Variants in CNTNAP2 observed in about 807,000 individuals in gnomAD.
CNTNAP2 encodes the protein contactin associated protein 2.
In CNTNAP2, 98 loss-of-function variants were observed where a neutral mutation model predicts 155.2. The observed-to-expected ratio is 0.63, with a 90% CI of 0.54 to 0.75. The LOEUF is 0.75. Ranked by LOEUF, CNTNAP2 falls within the 30% of genes least tolerant of loss-of-function variation. The pLI is 0.00. For missense variants in CNTNAP2, 1,727 were observed against 1,688.1 expected (o/e 1.02, Z -0.40); for synonymous variants, 651 against 631.2 (o/e 1.03, Z -0.47).
intron 1 of CNTNAP2, among the ~76,000 whole-genome samples, chr7:146,620,958 T>C (rs748257576): frequency 1.2e-4 from 18 of 152,194 alleles, no homozygotes; most frequent in Non-Finnish European, 2.2e-4. Context: ...AAATTTGTAA[T>C]ATTTATCTTC....
chr7:146,789,130 G>C (rs912605431), intron 2 of CNTNAP2, among the ~76,000 whole-genome samples: 1 of 152,190 alleles, frequency 6.6e-6, no homozygotes, highest in African/African-American at 2.4e-5. Flanking sequence ...AGAAAACTGA[G>C]ATTCACCAAG....
chr7:146,932,597 C>A (rs1457996014), intron 3 of CNTNAP2, among the ~76,000 whole-genome samples: 8 of 152,148 alleles, frequency 5.3e-5, no homozygotes, highest in African/African-American at 1.9e-4. Context: ...GGCAATTAGG[C>A]AGGAGAAGGA....
chr7:147,802,267 G>A (rs1266045537), intron 13 of CNTNAP2, among the ~76,000 whole-genome samples: 3 of 150,494 alleles, frequency 2.0e-5, no homozygotes, highest in South Asian at 2.1e-4. Flanking sequence ...TGGCGGCCGG[G>A]CAGAGACGCT....
chr7:147,966,957 C>T (rs1187661008), intron 14 of CNTNAP2, among the ~76,000 whole-genome samples: 1 of 152,032 alleles, frequency 6.6e-6, no homozygotes, highest in Non-Finnish European at 1.5e-5. Context: ...GCTTCAGAAA[C>T]ACCGAGAAGT....
At chr7:146,523,082 G>A (rs1039167506) in intron 1 of CNTNAP2, among the ~76,000 whole-genome samples, 8 of 151,720 alleles carry the variant, frequency 5.3e-5, no homozygotes. Context: ...TGGGATCCTG[G>A]CGCACCCATC....
chr7:147,504,049 G>A (rs957858066), intron 11 of CNTNAP2, among the ~76,000 whole-genome samples: 10 of 152,142 alleles, frequency 6.6e-5, no homozygotes, highest in African/African-American at 2.4e-4. Flanking sequence ...ACCATTTCCT[G>A]TTGATTTTGT....
intron 1 of CNTNAP2, among the ~76,000 whole-genome samples, chr7:146,162,575 C>A (rs1798241136): frequency 6.6e-6 from 1 of 152,184 alleles, no homozygotes; most frequent in Non-Finnish European, 1.5e-5. Flanking sequence ...TAAACTAGTT[C>A]AACCATTGTG....
intron 11 of CNTNAP2, among the ~76,000 whole-genome samples, chr7:147,551,075 T>C (rs1164361756): frequency 6.6e-6 from 1 of 152,228 alleles, no homozygotes; most frequent in East Asian, 1.9e-4. Flanking sequence ...ATGGTTCTTA[T>C]GTGCATTAAG....
intron 8 of CNTNAP2, among the ~76,000 whole-genome samples, chr7:147,149,904 T>C (rs903839783): frequency 3.3e-5 from 5 of 152,172 alleles, no homozygotes; most frequent in African/African-American, 1.2e-4. Flanking sequence ...TTAAAAGATA[T>C]AACTATCACA....
chr7:147,575,371 G>GGTATGTGTGTGTGT (rs1554406980), intron 12 of CNTNAP2, among the ~76,000 whole-genome samples: 1 of 95,882 alleles, frequency 1.0e-5, no homozygotes, highest in African/African-American at 3.6e-5. Flanking sequence ...TAGCTTTAGG[G>GGTATGTGTGTGTGT]GTGTGTGTGT....
chr7:148,381,531 C>T (rs533660216), intron 21 of CNTNAP2: 15 of 152,338 alleles, frequency 9.8e-5, no homozygotes, highest in African/African-American at 3.6e-4. Flanking sequence ...TGAAGTGAAG[C>T]TGCTTCTCTC....
intron 12 of CNTNAP2, among the ~76,000 whole-genome samples, chr7:147,567,631 T>C (rs760436691): frequency 2.0e-5 from 3 of 151,874 alleles, no homozygotes; most frequent in Non-Finnish European, 4.4e-5. Flanking sequence ...ACAGAGAAAG[T>C]TGAAAATGGT....
At chr7:146,529,934 T>C (rs567154962) in intron 1 of CNTNAP2, among the ~76,000 whole-genome samples, 19 of 151,682 alleles carry the variant, frequency 1.3e-4, no homozygotes, top group Non-Finnish European at 2.1e-4. Flanking sequence ...CACTGCACTC[T>C]AGCCTGGTGA....
In CNTNAP2 at chr7:146,116,983, C is replaced by G. The variant is rs1333874940; in HGVS notation, c.97+10C>G. 1 of 1,548,840 alleles carries G rather than the reference C, an allele frequency of 6.5e-7. No homozygotes were observed. Among genetic ancestry groups the G allele is most frequent in the South Asian group, 1.2e-5 (1 of 84,024 alleles). ...GCTCCCTCCACGTCCCGTAAGTAGC[C>G]GTCTCCTCGCTCTGCTCTGGAGCAG... On this transcript the variant is annotated intron_variant, in intron 1 of 23. Coordinates refer to ENST00000361727, the MANE Select transcript of CNTNAP2 (RefSeq NM_014141.6). This position sits in a 1 kb window ranked among gnomAD's most constrained non-coding sequence, Gnocchi z 5.5.
At chr7:147,408,766 T>TA (rs976647829) in intron 10 of CNTNAP2, among the ~76,000 whole-genome samples, 28 of 151,374 alleles carry the variant, frequency 1.8e-4, no homozygotes, top group African/African-American at 4.1e-4. Flanking sequence ...TCAATAATAA[T>TA]AAAAAAAAGA....
chr7:147,783,230 C>T (rs1029759145), intron 13 of CNTNAP2, among the ~76,000 whole-genome samples: 8 of 152,248 alleles, frequency 5.3e-5, no homozygotes, highest in Admixed American at 3.9e-4. Flanking sequence ...ATGTAATTAG[C>T]GAGTTCATAA....
intron 1 of CNTNAP2, among the ~76,000 whole-genome samples, chr7:146,648,653 A>G (rs895120186): frequency 4.6e-5 from 7 of 152,122 alleles, no homozygotes; most frequent in Non-Finnish European, 8.8e-5. Context: ...ATTAATTTTA[A>G]AGTGTTTTTC....
intron 1 of CNTNAP2, among the ~76,000 whole-genome samples, chr7:146,156,540 TATTAA>T (rs571079843): frequency 4.3e-4 from 66 of 152,362 alleles, no homozygotes; most frequent in African/African-American, 1.5e-3. Context: ...TGGTCACAGC[TATTAA>T]ATTATTGTTA....
chr7:146,872,546 G>A (rs1431294582), intron 3 of CNTNAP2, among the ~76,000 whole-genome samples: 1 of 152,134 alleles, frequency 6.6e-6, no homozygotes, highest in East Asian at 1.9e-4. Flanking sequence ...CAATAATGTG[G>A]TACGGCTGTT....
Sources: allele counts gnomAD v4.1 joint callset (sites outside exome capture counted in the v4.1 genomes callset), GRCh38; gene constraint gnomAD v4.1.1; non-coding constraint Gnocchi (gnomAD v3.1); transcripts MANE v1.5; gene names NCBI Gene and HGNC (gene_info 2026-07-23, HGNC 2026-07-21).